IQCJ: variants seen among roughly 807,000 people sequenced by gnomAD.
IQCJ encodes IQ domain-containing protein J.
A neutral mutation model predicts 11.0 loss-of-function variants in IQCJ; 9 were observed. The observed-to-expected ratio is 0.82, with a 90% CI of 0.49 to 1.43. The LOEUF (loss-of-function observed/expected upper bound fraction) is 1.43, where lower values mean the gene tolerates loss of function less well. IQCJ is among the 40% of genes most tolerant of loss of function. The pLI is 0.00. For missense variants in IQCJ, 146 were observed against 133.2 expected (o/e 1.10, Z -0.47); for synonymous variants, 55 against 51.3 (o/e 1.07, Z -0.31).
chr3:159,201,882 T>C (rs1299462943), intron 1 of IQCJ, among the ~76,000 whole-genome samples: 1 of 152,298 alleles, frequency 6.6e-6, no homozygotes. Flanking sequence ...TTGGGCACTT[T>C]GGTGCTAGGT....
intron 2 of IQCJ, among the ~76,000 whole-genome samples, chr3:159,248,858 T>C (rs1727426259): frequency 6.8e-6 from 1 of 146,984 alleles, no homozygotes. Flanking sequence ...TTTTTCATTA[T>C]TGATTTTTTT....
At chr3:159,233,749 T>C (rs1293305447) in intron 1 of IQCJ, among the ~76,000 whole-genome samples, 1 of 152,130 alleles carries the variant, frequency 6.6e-6, no homozygotes, top group East Asian at 1.9e-4. Flanking sequence ...ACATAATTGC[T>C]ATCCTTGGTG....
intron 1 of IQCJ, among the ~76,000 whole-genome samples, chr3:159,234,040 T>C (rs1726428225): frequency 6.6e-6 from 1 of 152,156 alleles, no homozygotes; most frequent in Non-Finnish European, 1.5e-5. Flanking sequence ...CTACTCACAC[T>C]GGTGTAAGTC....
chr3:159,229,640 A>G (rs1000247579), intron 1 of IQCJ, among the ~76,000 whole-genome samples: 4 of 146,026 alleles, frequency 2.7e-5, no homozygotes, highest in African/African-American at 7.7e-5. Flanking sequence ...TTCTTTCTCA[A>G]CTTCTGTTTT....
intron 1 of IQCJ, among the ~76,000 whole-genome samples, chr3:159,140,870 C>T (rs924425075): frequency 1.3e-5 from 2 of 152,196 alleles, no homozygotes; most frequent in Non-Finnish European, 2.9e-5. Context: ...GCTACGCACC[C>T]AGTGGGTTTG....
intron 1 of IQCJ, among the ~76,000 whole-genome samples, chr3:159,118,901 A>G (rs1447836417): frequency 6.6e-6 from 1 of 152,240 alleles, no homozygotes; most frequent in Non-Finnish European, 1.5e-5. Flanking sequence ...AAAAGCGACC[A>G]GACAACAGCC....
At chr3:159,210,925 A>G (rs1420407395) in intron 1 of IQCJ, among the ~76,000 whole-genome samples, 3 of 145,806 alleles carry the variant, frequency 2.1e-5, no homozygotes, top group African/African-American at 4.9e-5. Context: ...GCCCACCTCT[A>G]CCTCCCAAGT....
At position 159,193,767 on chromosome 3, in the gene IQCJ, A is replaced by G. The variant is rs139251630; in HGVS notation, c.10-52076A>G. 4.6e-5 allele frequency among the ~76,000 whole-genome samples: 7 copies of G among 152,334 alleles called. No homozygotes were observed. The East Asian group carries it at 7.7e-4, about 17-fold the overall frequency. On this transcript the variant is annotated intron_variant, in intron 1 of 3. Transcript: ENST00000397832. ...CTTCTCAAGGGATAGTGCCATATGG[A>G]GGATCACTGGTCCTTTTCACTGGCA...
At chr3:159,186,245 T>G (rs1021351091) in intron 1 of IQCJ, among the ~76,000 whole-genome samples, 6 of 152,164 alleles carry the variant, frequency 3.9e-5, no homozygotes, top group Non-Finnish European at 7.3e-5. Flanking sequence ...TAGCATGACA[T>G]AAATGCCACA....
intron 1 of IQCJ, among the ~76,000 whole-genome samples, chr3:159,199,829 G>A (rs1271349599): frequency 6.6e-6 from 1 of 151,848 alleles, no homozygotes; most frequent in Non-Finnish European, 1.5e-5. Context: ...ACAACTTAGA[G>A]AAAAGGACAC....
intron 2 of IQCJ, among the ~76,000 whole-genome samples, chr3:159,250,592 TCACAGGGCAG>T (rs1727538830): frequency 1.3e-5 from 2 of 152,150 alleles, no homozygotes; most frequent in African/African-American, 4.8e-5. Context: ...AGGCACCTCT[TCACAGGGCAG>T]CAGGAGAGAG....
At chr3:159,148,798 T>A (rs978962379) in intron 1 of IQCJ, among the ~76,000 whole-genome samples, 1 of 152,232 alleles carries the variant, frequency 6.6e-6, no homozygotes, top group Non-Finnish European at 1.5e-5. Flanking sequence ...TAACAAGTGC[T>A]TTCATTTAAG....
At chr3:159,230,289 C>A (rs1211740939) in intron 1 of IQCJ, among the ~76,000 whole-genome samples, 1 of 152,110 alleles carries the variant, frequency 6.6e-6, no homozygotes, top group East Asian at 1.9e-4. Flanking sequence ...TCCAATCTAT[C>A]ACTGATGGGC....
At position 159,262,788 on chromosome 3, in the gene IQCJ, A is replaced by G; in HGVS notation, c.*57A>G. 4.5e-6 allele frequency: 7 copies of G among 1,572,660 alleles called. No individual in the cohort carries two copies. The highest frequency in any genetic ancestry group is 6.1e-6 in the Non-Finnish European group (7 of 1,156,214). ...TTGGGATGTGAGCAGGTGGTTTGTG[A>G]CAGTGAAGATCTATGTAGCTTATTT... On this transcript the variant is annotated 3_prime_UTR_variant, in exon 4 of 4. Coordinates refer to ENST00000397832, the MANE Select transcript of IQCJ (RefSeq NM_001042706.3).
At chr3:159,191,057 G>T (rs1012510188) in intron 1 of IQCJ, among the ~76,000 whole-genome samples, 1 of 152,156 alleles carries the variant, frequency 6.6e-6, no homozygotes, top group Non-Finnish European at 1.5e-5. Flanking sequence ...GAATCTCAGT[G>T]CCCTTGACAT....
At chr3:159,216,329 A>G (rs1362813505) in intron 1 of IQCJ, among the ~76,000 whole-genome samples, 1 of 152,204 alleles carries the variant, frequency 6.6e-6, no homozygotes, top group Non-Finnish European at 1.5e-5. Context: ...TTCTTTTGAT[A>G]AATAATGCTA....
chr3:159,144,528 C>T (rs1291809337), intron 1 of IQCJ, among the ~76,000 whole-genome samples: 2 of 152,158 alleles, frequency 1.3e-5, no homozygotes, highest in Non-Finnish European at 2.9e-5. Flanking sequence ...GTTAAGTGAC[C>T]TGTTCCTGGC....
chr3:159,092,460 G>C (rs1717383400), intron 1 of IQCJ, among the ~76,000 whole-genome samples: 2 of 151,848 alleles, frequency 1.3e-5, no homozygotes, highest in Admixed American at 1.3e-4. Flanking sequence ...AGCACTTTGG[G>C]AGGCCAAGGT....
chr3:159,078,855 T>C (rs1716119753), intron 1 of IQCJ, among the ~76,000 whole-genome samples: 1 of 152,098 alleles, frequency 6.6e-6, no homozygotes, highest in Non-Finnish European at 1.5e-5. Flanking sequence ...TAATGATAGC[T>C]TTAACCTTCC....
Sources: allele counts gnomAD v4.1 joint callset (sites outside exome capture counted in the v4.1 genomes callset), GRCh38; gene constraint gnomAD v4.1.1; transcripts MANE v1.5; gene names NCBI Gene and HGNC (gene_info 2026-07-23, HGNC 2026-07-21).